Variants in PARD3 observed in about 807,000 individuals in gnomAD.
PARD3 encodes partitioning defective 3 homolog.
PARD3 carries 75 observed loss-of-function variants against 155.4 expected under a neutral mutation model. The observed-to-expected ratio is 0.48, with a 90% CI of 0.40 to 0.58. PARD3 has a LOEUF of 0.58. Ranked by LOEUF, PARD3 falls within the 20% of genes least tolerant of loss-of-function variation. The pLI is 0.00. For missense variants in PARD3, 1,642 were observed against 1,721.7 expected (o/e 0.95, Z 0.82); for synonymous variants, 576 against 610.5 (o/e 0.94, Z 0.83).
intron 12 of PARD3, among the ~76,000 whole-genome samples, chr10:34,363,211 T>C (rs760584535): frequency 3.3e-5 from 5 of 152,222 alleles, no homozygotes; most frequent in Non-Finnish European, 7.3e-5. Context: ...ACTTGAAAGA[T>C]CAGGATAAGG....
intron 2 of PARD3, among the ~76,000 whole-genome samples, chr10:34,609,584 C>CCAGACTGGAGT (rs1216257608): frequency 6.6e-6 from 1 of 152,152 alleles, no homozygotes; most frequent in South Asian, 2.1e-4. Context: ...CCTTTGTCAC[C>CCAGACTGGAGT]CAGACTGGAG....
chr10:34,225,557 GCTGGTCT>G (rs1952552490), intron 22 of PARD3, among the ~76,000 whole-genome samples: 1 of 152,140 alleles, frequency 6.6e-6, no homozygotes, highest in African/African-American at 2.4e-5. Flanking sequence ...TGTTGGCCAG[GCTGGTCT>G]TGAACTCCTG....
intron 16 of PARD3, among the ~76,000 whole-genome samples, chr10:34,340,317 A>C (rs1336897148): frequency 6.6e-6 from 1 of 152,226 alleles, no homozygotes; most frequent in African/African-American, 2.4e-5. Context: ...CACTGCGTCT[A>C]TCTAATCCTT....
chr10:34,330,698 G>A (rs1173029620), intron 19 of PARD3, among the ~76,000 whole-genome samples: 19 of 151,768 alleles, frequency 1.3e-4, no homozygotes, highest in Non-Finnish European at 1.5e-5. Context: ...ATTAAAACTG[G>A]GAAAGTTTTA....
intron 2 of PARD3, among the ~76,000 whole-genome samples, chr10:34,560,401 AATTCTC>A (rs1192109284): frequency 1.3e-5 from 2 of 152,226 alleles, no homozygotes; most frequent in Non-Finnish European, 2.9e-5. Flanking sequence ...TATATACATC[AATTCTC>A]ATTCTAATAT....
At chr10:34,500,832 T>A (rs952548026) in intron 3 of PARD3, among the ~76,000 whole-genome samples, 1 of 152,042 alleles carries the variant, frequency 6.6e-6, no homozygotes, top group African/African-American at 2.4e-5. Context: ...AAATAAGTCA[T>A]ACAGAAGGAA....
chr10:34,733,686 T>C (rs899119334), intron 1 of PARD3, among the ~76,000 whole-genome samples: 1 of 152,128 alleles, frequency 6.6e-6, no homozygotes, highest in Non-Finnish European at 1.5e-5. Flanking sequence ...GTTTGAGATC[T>C]GTGGGGTTTC....
At chr10:34,266,603 G>C (rs1394815535) in intron 22 of PARD3, among the ~76,000 whole-genome samples, 1 of 152,184 alleles carries the variant, frequency 6.6e-6, no homozygotes, top group African/African-American at 2.4e-5. Flanking sequence ...GACAGCTGCT[G>C]AGGCTGTGCT....
At chr10:34,639,632 A>G (rs942452447) in intron 2 of PARD3, among the ~76,000 whole-genome samples, 1 of 152,176 alleles carries the variant, frequency 6.6e-6, no homozygotes, top group African/African-American at 2.4e-5. Flanking sequence ...CCAAAGCAGG[A>G]GGACTGCTAG....
At chr10:34,405,334 A>G (rs1435436899) in intron 5 of PARD3, among the ~76,000 whole-genome samples, 1 of 152,224 alleles carries the variant, frequency 6.6e-6, no homozygotes, top group Non-Finnish European at 1.5e-5. Context: ...AAGAGTATAT[A>G]CATGTATTCA....
chr10:34,407,488 A>G (rs1301037173), intron 5 of PARD3, among the ~76,000 whole-genome samples: 1 of 152,230 alleles, frequency 6.6e-6, no homozygotes, highest in Non-Finnish European at 1.5e-5. Context: ...CAGAGAAGCC[A>G]GTGTCTCTTG....
At chr10:34,600,996 A>G (rs1353077567) in intron 2 of PARD3, among the ~76,000 whole-genome samples, 1 of 113,922 alleles carries the variant, frequency 8.8e-6, no homozygotes, top group Non-Finnish European at 1.7e-5. Context: ...TTTTTGTAGA[A>G]ATGGGGTCTC....
At chr10:34,268,128 AAG>A (rs1231981200) in intron 22 of PARD3, among the ~76,000 whole-genome samples, 1 of 133,272 alleles carries the variant, frequency 7.5e-6, no homozygotes, top group African/African-American at 3.2e-5. Flanking sequence ...ATACAAATGA[AAG>A]AGCGGGAAAA....
At chr10:34,297,604 G>A (rs1052420908) in intron 20 of PARD3, among the ~76,000 whole-genome samples, 4 of 152,142 alleles carry the variant, frequency 2.6e-5, no homozygotes, top group African/African-American at 9.7e-5. Flanking sequence ...CATTTCAGTG[G>A]TAGCATTTTC....
chr10:34,475,320 T>C (rs1411130581), intron 3 of PARD3, among the ~76,000 whole-genome samples: 1 of 152,224 alleles, frequency 6.6e-6, no homozygotes, highest in Non-Finnish European at 1.5e-5. Flanking sequence ...ATAGAAGACA[T>C]CTGGATTCTC....
intron 2 of PARD3, among the ~76,000 whole-genome samples, chr10:34,558,640 C>T (rs2085205837): frequency 6.6e-6 from 1 of 152,082 alleles, no homozygotes; most frequent in South Asian, 2.1e-4. Context: ...TACATAAATG[C>T]ACACTGCCGG....
chr10:34,499,349 A>T (rs1189211337), intron 3 of PARD3, among the ~76,000 whole-genome samples: 1 of 152,190 alleles, frequency 6.6e-6, no homozygotes, highest in African/African-American at 2.4e-5. Context: ...TATGTTTTCT[A>T]ATCAAGGGTA....
intron 2 of PARD3, among the ~76,000 whole-genome samples, chr10:34,600,042 A>G (rs1318311104): frequency 6.6e-6 from 1 of 152,126 alleles, no homozygotes; most frequent in Non-Finnish European, 1.5e-5. Flanking sequence ...GAAATAAAAA[A>G]GAAATAAAAG....
At chr10:34,185,798 A>G (rs1950459939) in intron 22 of PARD3, among the ~76,000 whole-genome samples, 1 of 144,828 alleles carries the variant, frequency 6.9e-6, no homozygotes, top group African/African-American at 2.5e-5. Context: ...AAAACTGAAC[A>G]CAGTAACATC....
Sources: allele counts gnomAD v4.1 joint callset (sites outside exome capture counted in the v4.1 genomes callset), GRCh38; gene constraint gnomAD v4.1.1; transcripts MANE v1.5; gene names NCBI Gene and HGNC (gene_info 2026-07-23, HGNC 2026-07-21).